The following STARD13 variants were observed in gnomAD, a reference collection of about 807,000 sequenced individuals.
STARD13 encodes StAR related lipid transfer domain containing 13.
Under a neutral mutation model 106.4 loss-of-function variants are expected in STARD13, and 62 were observed. That is an observed-to-expected ratio of 0.58 (90% CI 0.48 to 0.72). The LOEUF (loss-of-function observed/expected upper bound fraction) is 0.72. Ranked by LOEUF, STARD13 falls within the 30% of genes least tolerant of loss-of-function variation. The probability of loss-of-function intolerance (pLI) is 0.00; values close to 1 mark genes in which losing one functional copy is unlikely to be tolerated. For missense variants in STARD13, 1,387 were observed against 1,424.0 expected, an observed-to-expected ratio of 0.97 and a Z score of 0.42; for synonymous variants, 565 against 553.0, an observed-to-expected ratio of 1.02 and a Z score of -0.31.
the STARD13 span, among the ~76,000 whole-genome samples, chr13:33,655,503 C>T: frequency 6.6e-6 from 1 of 152,176 alleles, no homozygotes; most frequent in Non-Finnish European, 1.5e-5. Flanking sequence ...TCTCTCCCCT[C>T]CCAGTCCATT....
chr13:33,377,604 C>G, the STARD13 span, among the ~76,000 whole-genome samples: 33,904 of 148,954 alleles, frequency 0.23, 4,279 homozygotes, highest in African/African-American at 0.3. Flanking sequence ...CGCTTATACT[C>G]TCATCTCCCC....
At chr13:33,212,225 C>G (rs766973516) in intron 1 of STARD13, among the ~76,000 whole-genome samples, 1 of 152,024 alleles carries the variant, frequency 6.6e-6, no homozygotes, top group Non-Finnish European at 1.5e-5. Context: ...CTTTACATCC[C>G]GAGCAGTGTG....
chr13:33,411,959 G>A, the STARD13 span, among the ~76,000 whole-genome samples: 1 of 152,104 alleles, frequency 6.6e-6, no homozygotes, highest in South Asian at 2.1e-4. Flanking sequence ...CCAATAGAAT[G>A]ACTAAAGGAA....
At chr13:33,673,240 G>A in the STARD13 span, among the ~76,000 whole-genome samples, 1 of 152,116 alleles carries the variant, frequency 6.6e-6, no homozygotes, top group Non-Finnish European at 1.5e-5. Flanking sequence ...TCCATCCTTA[G>A]AGGTTTCCCA....
the STARD13 span, among the ~76,000 whole-genome samples, chr13:33,587,012 G>A: frequency 4.6e-5 from 7 of 151,998 alleles, no homozygotes; most frequent in Non-Finnish European, 8.8e-5. Flanking sequence ...TCAGGAGTTC[G>A]GGATCAGCCT....
upstream of STARD13, among the ~76,000 whole-genome samples, chr13:33,289,920 T>C (rs1290677709): frequency 6.7e-6 from 1 of 150,344 alleles, no homozygotes; most frequent in Non-Finnish European, 1.5e-5. Flanking sequence ...GGGTAGTTTA[T>C]TCTCTGCATT....
At chr13:33,577,219 A>G in the STARD13 span, among the ~76,000 whole-genome samples, 2 of 152,198 alleles carry the variant, frequency 1.3e-5, no homozygotes, top group African/African-American at 4.8e-5. Context: ...AGTCACATCC[A>G]ATTACATCAT....
the STARD13 span, among the ~76,000 whole-genome samples, chr13:33,409,260 T>A: frequency 2.0e-5 from 3 of 152,184 alleles, no homozygotes; most frequent in African/African-American, 7.2e-5. Context: ...TTACAAATGT[T>A]ACCTCATTTC....
At chr13:33,475,781 C>T in the STARD13 span, among the ~76,000 whole-genome samples, 1 of 151,974 alleles carries the variant, frequency 6.6e-6, no homozygotes, top group South Asian at 2.1e-4. Context: ...CATGGTGAAA[C>T]CCCGTTTCTA....
chr13:33,126,354 G>A, intron 6 of STARD13, 114 bp from the exon 7 acceptor site: 1 of 995,408 alleles, frequency 1.0e-6, no homozygotes, highest in South Asian at 1.4e-5. Flanking sequence ...AACAGATGCG[G>A]GGTGAATTCA....
chr13:33,655,121 C>T, the STARD13 span, among the ~76,000 whole-genome samples: 266 of 152,316 alleles, frequency 1.7e-3, 2 homozygotes, highest in East Asian at 6.5e-3. Context: ...TTTAATGGGA[C>T]GAGCAGACCT....
intron 1 of STARD13, among the ~76,000 whole-genome samples, chr13:33,290,845 A>G (rs769659994): frequency 6.6e-6 from 1 of 152,230 alleles, no homozygotes; most frequent in Non-Finnish European, 1.5e-5. Context: ...TCACAGATCT[A>G]GAATTGTGTG....
At chr13:33,157,911 C>A (rs1218075881) in intron 3 of STARD13, among the ~76,000 whole-genome samples, 1 of 152,188 alleles carries the variant, frequency 6.6e-6, no homozygotes, top group African/African-American at 2.4e-5. Flanking sequence ...ATGAGCTCAC[C>A]TAGGTACTTA....
the STARD13 span, among the ~76,000 whole-genome samples, chr13:33,585,496 CTA>C: frequency 6.6e-6 from 1 of 152,170 alleles, no homozygotes; most frequent in African/African-American, 2.4e-5. Context: ...GAGTTCAAGA[CTA>C]GCCTGGGCAA....
At chr13:33,444,750 C>A in the STARD13 span, among the ~76,000 whole-genome samples, 4 of 152,136 alleles carry the variant, frequency 2.6e-5, no homozygotes, top group Non-Finnish European at 5.9e-5. Flanking sequence ...GCCTGGCTGG[C>A]AGAGTGAGAT....
the STARD13 span, among the ~76,000 whole-genome samples, chr13:33,498,719 T>C: frequency 6.6e-6 from 1 of 152,232 alleles, no homozygotes; most frequent in African/African-American, 2.4e-5. Context: ...AAAGAGTACA[T>C]TCAGCTATGA....
chr13:33,538,040 G>C, the STARD13 span, among the ~76,000 whole-genome samples: 2 of 152,004 alleles, frequency 1.3e-5, no homozygotes, highest in Non-Finnish European at 2.9e-5. Flanking sequence ...TGCTTCTGAT[G>C]TTTAGAAACA....
chr13:33,266,923 T>A (rs1015456677), intron 1 of STARD13, among the ~76,000 whole-genome samples: 6 of 152,236 alleles, frequency 3.9e-5, no homozygotes, highest in Non-Finnish European at 5.9e-5. Flanking sequence ...TGTTGAGATA[T>A]TGACTAGGCT....
rs115799751 is a variant in STARD13, at chr13:33,264,366, G to C, written c.169+21104C>G. On this transcript the variant is annotated intron_variant, in intron 1 of 13. Coordinates refer to ENST00000336934, the MANE Select transcript of STARD13 (RefSeq NM_178006.4). The stretch of plus-strand genomic sequence containing the variant: ...AACAGTCATGGATCACACTTCCATG[G>C]AGCTCAACCACTAATTGCCCAAACA... Among the ~76,000 whole-genome samples, 695 of 152,320 alleles carry C rather than the reference G, an allele frequency of 4.6e-3. 6 individuals carry two copies. Among genetic ancestry groups the C allele is most frequent in the African/African-American group, 0.015 (621 of 41,554 alleles).
Sources: allele counts gnomAD v4.1 joint callset (sites outside exome capture counted in the v4.1 genomes callset), GRCh38; gene constraint gnomAD v4.1.1; transcripts MANE v1.5; gene names NCBI Gene and HGNC (gene_info 2026-07-23, HGNC 2026-07-21).